The following NRG3 variants were observed in gnomAD, a reference collection of about 807,000 sequenced individuals.
NRG3 encodes the protein pro-neuregulin-3, membrane-bound isoform.
In NRG3, 31 loss-of-function variants were observed where a neutral mutation model predicts 66.9. The ratio of observed to expected loss-of-function variants is 0.46; its 90% CI spans 0.35 to 0.63. The LOEUF is 0.63. Among genes scored for constraint, NRG3 ranks in the 20% least tolerant of loss-of-function variants. The pLI is 0.00. For synonymous variants in NRG3, 393 were observed against 359.4 expected (o/e 1.09, Z -1.06); for missense variants, 910 against 878.9 (o/e 1.04, Z -0.45).
At chr10:82,795,624 C>A (rs879418961) in intron 3 of NRG3, among the ~76,000 whole-genome samples, 5 of 152,038 alleles carry the variant, frequency 3.3e-5, no homozygotes, top group Non-Finnish European at 7.4e-5. Context: ...TTCTTCTGGG[C>A]AGGGGCAAAA....
At chr10:82,580,713 T>G (rs1421589992) in intron 2 of NRG3, among the ~76,000 whole-genome samples, 1 of 152,064 alleles carries the variant, frequency 6.6e-6, no homozygotes, top group Non-Finnish European at 1.5e-5. Context: ...TCTACCTTTT[T>G]TTCATGGCTT....
chr10:82,917,970 G>GTATA (rs1171736937), intron 4 of NRG3, among the ~76,000 whole-genome samples: 57 of 113,994 alleles, frequency 5.0e-4, no homozygotes, highest in African/African-American at 1.1e-3. Flanking sequence ...GTGTGTGTGT[G>GTATA]TATATATATA....
chr10:82,822,028 C>T (rs1354789873), intron 3 of NRG3, among the ~76,000 whole-genome samples: 1 of 152,104 alleles, frequency 6.6e-6, no homozygotes, highest in Non-Finnish European at 1.5e-5. Context: ...GTATGGTCTT[C>T]GGTTTCCCTG....
At chr10:82,161,936 T>C (rs1279119703) in intron 1 of NRG3, among the ~76,000 whole-genome samples, 9 of 152,132 alleles carry the variant, frequency 5.9e-5, no homozygotes, top group Non-Finnish European at 1.0e-4. Flanking sequence ...TGCATGAATA[T>C]ATTCAGTGGC....
At chr10:82,513,333 C>G (rs1272568360) in intron 2 of NRG3, among the ~76,000 whole-genome samples, 1 of 152,184 alleles carries the variant, frequency 6.6e-6, no homozygotes, top group East Asian at 1.9e-4. Flanking sequence ...ACATGTACCA[C>G]ATTTTCTTTA....
rs141371069 is a variant in NRG3, at chr10:82,128,752, G to T, written c.824-229987G>T. Among the ~76,000 whole-genome samples, 406 of 151,334 alleles carry T rather than the reference G, an allele frequency of 2.7e-3. 3 individuals are homozygous for T. The highest frequency in any genetic ancestry group is 7.3e-3 in the African/African-American group (302 of 41,244). ...TTAAAAGCTTGTTTAAATTTCTGGGGTTTTTTTTGTTCACTTCAATTATTT... is the reference window on the plus strand; with the variant it reads ...TTAAAAGCTTGTTTAAATTTCTGGGTTTTTTTTTGTTCACTTCAATTATTT... On this transcript the variant is annotated intron_variant, in intron 1 of 8. Coordinates refer to ENST00000372141, the MANE Select transcript of NRG3 (RefSeq NM_001010848.4).
intron 1 of NRG3, among the ~76,000 whole-genome samples, chr10:81,894,782 G>A (rs191014202): frequency 2.7e-3 from 411 of 152,262 alleles, no homozygotes; most frequent in Non-Finnish European, 4.3e-3. Flanking sequence ...GGGAGGAGCT[G>A]GAGAAGAGAC....
Position 82,126,198 on chromosome 10 carries a change from C to T in NRG3, c.824-232541C>T, listed in dbSNP as rs142783346. Among the ~76,000 whole-genome samples the T allele has an allele frequency of 4.6e-5, 7 of 151,998 alleles. No individual in the cohort carries two copies. In the East Asian group the frequency reaches 7.7e-4, roughly 17 times the overall value. ...CTTGAAGAATTAATGTAGAAATGAT[C>T]GATACCTTAGATAATAAATTAAATA... On this transcript the variant is annotated intron_variant, in intron 1 of 8. Transcript: ENST00000372141.
At chr10:82,890,330 GC>G (rs1175542613) in intron 4 of NRG3, among the ~76,000 whole-genome samples, 1 of 152,012 alleles carries the variant, frequency 6.6e-6, no homozygotes, top group African/African-American at 2.4e-5. Flanking sequence ...ACAGTCACTT[GC>G]CCCTTTCTAC....
At chr10:82,104,767 C>G (rs530506559) in intron 1 of NRG3, among the ~76,000 whole-genome samples, 11 of 152,262 alleles carry the variant, frequency 7.2e-5, no homozygotes, top group Non-Finnish European at 5.9e-5. Flanking sequence ...ATATACCTGT[C>G]TGTATTTAAA....
intron 1 of NRG3, among the ~76,000 whole-genome samples, chr10:81,937,610 T>C (rs1216425343): frequency 1.3e-5 from 2 of 152,180 alleles, no homozygotes; most frequent in Non-Finnish European, 2.9e-5. Flanking sequence ...TATTTTGTTG[T>C]TGTTGAGTTG....
At chr10:81,987,782 T>A (rs991462544) in intron 1 of NRG3, among the ~76,000 whole-genome samples, 1 of 152,170 alleles carries the variant, frequency 6.6e-6, no homozygotes, top group Non-Finnish European at 1.5e-5. Context: ...AGCTTTGATA[T>A]CCAAAGAAAT....
chr10:82,460,778 G>A (rs748850360), intron 2 of NRG3, among the ~76,000 whole-genome samples: 1 of 152,128 alleles, frequency 6.6e-6, no homozygotes, highest in Non-Finnish European at 1.5e-5. Context: ...CCCTGCTAGA[G>A]CCTTGCACCA....
At chr10:81,907,673 T>A (rs999836749) in intron 1 of NRG3, among the ~76,000 whole-genome samples, 3 of 152,174 alleles carry the variant, frequency 2.0e-5, no homozygotes, top group Non-Finnish European at 4.4e-5. Flanking sequence ...ACTGGATAAC[T>A]GCGAAGATCA....
intron 1 of NRG3, among the ~76,000 whole-genome samples, chr10:81,971,695 G>A (rs1226238947): frequency 6.6e-6 from 1 of 152,190 alleles, no homozygotes; most frequent in Admixed American, 6.5e-5. Context: ...AGTTTCCAAC[G>A]TGTAGCACAG....
chr10:82,650,814 C>A (rs1002783414), intron 2 of NRG3, among the ~76,000 whole-genome samples: 4 of 152,134 alleles, frequency 2.6e-5, no homozygotes, highest in East Asian at 1.9e-4. Context: ...ATTCAGTAGT[C>A]ATTTAGCTTT....
intron 3 of NRG3, among the ~76,000 whole-genome samples, chr10:82,856,876 A>T (rs1375821380): frequency 6.6e-6 from 1 of 152,210 alleles, no homozygotes; most frequent in Non-Finnish European, 1.5e-5. Context: ...GTGAATCTCA[A>T]GAGCAGGAAC....
intron 2 of NRG3, among the ~76,000 whole-genome samples, chr10:82,524,900 T>A (rs1171140027): frequency 6.6e-6 from 1 of 151,876 alleles, no homozygotes; most frequent in African/African-American, 2.4e-5. Flanking sequence ...TTTCTCAGTG[T>A]TTTCGCTGTA....
chr10:82,185,540 A>G (rs1336257084), intron 1 of NRG3, among the ~76,000 whole-genome samples: 1 of 152,218 alleles, frequency 6.6e-6, no homozygotes, highest in Non-Finnish European at 1.5e-5. Flanking sequence ...TCAAAATAAA[A>G]TGGATTATTT....
Sources: allele counts gnomAD v4.1 joint callset (sites outside exome capture counted in the v4.1 genomes callset), GRCh38; gene constraint gnomAD v4.1.1; transcripts MANE v1.5; gene names NCBI Gene and HGNC (gene_info 2026-07-23, HGNC 2026-07-21).